ITGAE: variants seen among roughly 807,000 people sequenced by gnomAD.
ITGAE encodes integrin subunit alpha E.
Under a neutral mutation model 136.5 loss-of-function variants are expected in ITGAE, and 99 were observed. The ratio of observed to expected loss-of-function variants is 0.73; its 90% CI spans 0.62 to 0.86. The LOEUF (loss-of-function observed/expected upper bound fraction) is 0.86. Among genes scored for constraint, ITGAE ranks in the 40% least tolerant of loss-of-function variants. The pLI, the probability that ITGAE is intolerant of heterozygous loss-of-function variation, is 0.00. For missense variants in ITGAE, 1,447 were observed against 1,515.3 expected (o/e 0.95, Z 0.75); for synonymous variants, 613 against 591.8 (o/e 1.04, Z -0.52).
At chr17:3,724,052 CCGGAGG>C (rs1196549101) in intron 26 of ITGAE, 1 of 1,597,098 alleles carries the variant, frequency 6.3e-7, no homozygotes, top group East Asian at 2.2e-5. Context: ...CGCCGCAGGA[CCGGAGG>C]CGTTTCTTCA....
chr17:3,723,775 G>A (rs771828455), intron 26 of ITGAE, 31 bp from the exon 27 acceptor site: 300 of 1,602,616 alleles, frequency 1.9e-4, no homozygotes, highest in Non-Finnish European at 2.3e-4. Flanking sequence ...GCGACGCGCT[G>A]AACAAACCAA....
intron 26 of ITGAE, chr17:3,725,747 A>AT: frequency 6.3e-7 from 1 of 1,584,914 alleles, no homozygotes; most frequent in Non-Finnish European, 8.6e-7. Flanking sequence ...TTGTGCTGGA[A>AT]TTTGAGTTTG....
intron 1 of ITGAE, among the ~76,000 whole-genome samples, chr17:3,794,839 C>T (rs893881128): frequency 6.6e-6 from 1 of 152,116 alleles, no homozygotes; most frequent in African/African-American, 2.4e-5. Flanking sequence ...GGGCCTTCTT[C>T]CCCCCGTTTC....
intron 1 of ITGAE, among the ~76,000 whole-genome samples, chr17:3,800,794 GC>G (rs2053237941): frequency 6.6e-6 from 1 of 152,206 alleles, no homozygotes; most frequent in Non-Finnish European, 1.5e-5. Context: ...TCAAGGACCT[GC>G]CCCAAGTGGG....
intron 19 of ITGAE, among the ~76,000 whole-genome samples, chr17:3,740,573 G>A (rs1179053438): frequency 1.3e-5 from 2 of 152,132 alleles, no homozygotes; most frequent in South Asian, 4.1e-4. Context: ...AAAGGGTTTC[G>A]CCATGTTGAC....
At chr17:3,785,175 G>A (rs2052754304) in intron 1 of ITGAE, among the ~76,000 whole-genome samples, 2 of 151,414 alleles carry the variant, frequency 1.3e-5, no homozygotes, top group African/African-American at 4.9e-5. Flanking sequence ...AGAAAGAAAG[G>A]GAAGAAAAGA....
At position 3,720,292 on chromosome 17, in the gene ITGAE, C is replaced by G. The variant is rs763520725; in HGVS notation, c.3333+15G>C. 4 of 1,364,078 alleles carry G rather than the reference C, an allele frequency of 2.9e-6. No individual in the cohort carries two copies. In the Admixed American group the frequency reaches 6.8e-5, roughly 23 times the overall value. The allele number at this position is 1,364,078 out of a possible 1,614,324, so 84.5% of individuals were successfully genotyped here. A position where few individuals can be genotyped will look rare whatever the true frequency, so the allele number is the denominator to read the frequency against. On this transcript the variant is annotated intron_variant, in intron 29 of 30. Transcript: ENST00000263087. ...ATTTTCCTTGGGCACTACTCAGAAG[C>G]CAGCCAGGAATTACCTTAGTTCTGT...
intron 26 of ITGAE, 61 bp from the exon 27 acceptor site, chr17:3,723,805 G>C: frequency 2.5e-6 from 4 of 1,588,712 alleles, no homozygotes; most frequent in Middle Eastern, 1.7e-4. Context: ...TTTCCGTCCC[G>C]TCCCGGCCCC....
chr17:3,725,360 T>G (rs2051185196), intron 26 of ITGAE: 3 of 1,613,198 alleles, frequency 1.9e-6, no homozygotes, highest in Non-Finnish European at 2.5e-6. Context: ...CTGTCCCCTT[T>G]AGCCATTGCC....
In ITGAE at chr17:3,723,355, C is replaced by G. The variant is rs145815279; in HGVS notation, c.3170G>C (p.Cys1057Ser). Residue 1057 changes from cysteine to serine, a missense_variant, in exon 28 of 31, where the codon TGT becomes TCT. Coordinates refer to ENST00000263087, the MANE Select transcript of ITGAE (RefSeq NM_002208.5). ...ATTTTCTTTATCTGAAGCGATGACACAGCTCACTGAATGCCATTCTTCCAC... is the reference window on the plus strand; with the variant it reads ...ATTTTCTTTATCTGAAGCGATGACAGAGCTCACTGAATGCCATTCTTCCAC... ...QHVEEWHSVS[C>S]VIASDKENVT... 1.9e-6 allele frequency: 3 copies of G among 1,613,852 alleles called. No individual in the cohort carries two copies. The highest frequency in any genetic ancestry group is 2.2e-5 in the South Asian group (2 of 91,086).
At chr17:3,754,742 C>T in intron 12 of ITGAE, 1 of 306,578 alleles carries the variant, frequency 3.3e-6, no homozygotes, top group Non-Finnish European at 6.3e-6. Context: ...CAGCCTAATG[C>T]GCAGCCTCGG....
chr17:3,725,202 C>A, intron 26 of ITGAE: 1 of 1,614,156 alleles, frequency 6.2e-7, no homozygotes, highest in Non-Finnish European at 8.5e-7. Context: ...ATGTTCAAAC[C>A]GGCCTGTCAT....
At position 3,729,499 on chromosome 17, in the gene ITGAE, C is replaced by T. The variant is rs769460660; in HGVS notation, c.2891G>A (p.Gly964Asp). ...NETHTLQFRH[G>D]FVAVLSKPSI... is the part of the protein sequence containing the mutation. Reference sequence around the variant, plus strand: ...TCACTTGGACAGAACTGCAACGAAGCCATGCCTGAATTGAAGGGTGTGGGT... The same window carrying T: ...TCACTTGGACAGAACTGCAACGAAGTCATGCCTGAATTGAAGGGTGTGGGT... The change falls in exon 24 of 31, where the codon GGC becomes GAC. Residue 964 changes from glycine to aspartate, a missense_variant. Physicochemically the swap from Gly to Asp is moderately conservative, Grantham distance 94. Transcript: ENST00000263087. 2 of 1,611,418 alleles carry T rather than the reference C, an allele frequency of 1.2e-6. No individual in the cohort carries two copies. Among genetic ancestry groups the T allele is most frequent in the African/African-American group, 1.3e-5 (1 of 74,890 alleles).
At chr17:3,773,091 C>A (rs991677225) in intron 2 of ITGAE, among the ~76,000 whole-genome samples, 1 of 152,208 alleles carries the variant, frequency 6.6e-6, no homozygotes, top group Non-Finnish European at 1.5e-5. Flanking sequence ...GTGCTTTCGA[C>A]CAAACAACCA....
chr17:3,739,718 TGTGCAGG>T, intron 20 of ITGAE, 80 bp downstream of exon 20: 1 of 1,071,840 alleles, frequency 9.3e-7, no homozygotes, highest in African/African-American at 1.6e-5. Flanking sequence ...GGGAAGGGGA[TGTGCAGG>T]GTGTCCTAAT....
At chr17:3,775,927 C>T (rs961121028) in intron 2 of ITGAE, among the ~76,000 whole-genome samples, 5 of 152,106 alleles carry the variant, frequency 3.3e-5, no homozygotes, top group East Asian at 1.9e-4. Flanking sequence ...CCTGTTTCAC[C>T]GCAACCTTAC....
At chr17:3,776,824 G>T (rs2143300737) in intron 2 of ITGAE, among the ~76,000 whole-genome samples, 1 of 152,104 alleles carries the variant, frequency 6.6e-6, no homozygotes, top group East Asian at 1.9e-4. Flanking sequence ...CTCCCTAAGT[G>T]TTGAGATTAC....
At position 3,762,181 on chromosome 17, in the gene ITGAE, G is replaced by A. The variant is rs149549771; in HGVS notation, c.248-199C>T. Among the ~76,000 whole-genome samples, 1,154 of 152,292 alleles carry A rather than the reference G, an allele frequency of 7.6e-3. 17 individuals are homozygous for A. Among genetic ancestry groups the A allele is most frequent in the Middle Eastern group, 0.01 (3 of 294 alleles). On this transcript the variant is annotated intron_variant, in intron 3 of 30. Transcript: ENST00000263087. The stretch of plus-strand genomic sequence containing the variant: ...CGTTCAGGGCCGAGTGCCCATCCCC[G>A]GGGCTCATTTGCTGACCCTTTCAAC...
In ITGAE at chr17:3,801,112, G is replaced by A. The variant is rs751377113; in HGVS notation, c.33C>T (p.Ala11=). 3.7e-6 allele frequency: 6 copies of A among 1,612,748 alleles called. 1 individual carries two copies. Among genetic ancestry groups the A allele is most frequent in the East Asian group, 2.2e-5 (1 of 44,906 alleles). Residue 11 remains alanine (A), a splice_region_variant and synonymous_variant, in exon 1 of 31, where the codon GCC becomes GCT. Coordinates refer to ENST00000263087, the MANE Select transcript of ITGAE (RefSeq NM_002208.5). MWLFHTLLCI[A]SLALLAAFNV... is the part of the protein sequence containing the mutation. ...GAAGCAGCGGGTGAGAGGACTTACT[G>A]GCTATGCAGAGCAGAGTGTGGAAGA... is the stretch of plus-strand genomic sequence containing the variant.
Sources: allele counts gnomAD v4.1 joint callset (sites outside exome capture counted in the v4.1 genomes callset), GRCh38; gene constraint gnomAD v4.1.1; transcripts MANE v1.5; gene names NCBI Gene and HGNC (gene_info 2026-07-23, HGNC 2026-07-21).